ACSM2A: variants seen among roughly 807,000 people sequenced by gnomAD.
ACSM2A encodes acyl-CoA synthetase medium chain family member 2A, also known as acyl-coenzyme A synthetase ACSM2A, mitochondrial.
Under a neutral mutation model 76.6 loss-of-function variants are expected in ACSM2A, and 72 were observed. That is an observed-to-expected ratio of 0.94 (90% CI 0.78 to 1.14). ACSM2A has a LOEUF of 1.14. Among genes scored for constraint, ACSM2A ranks in the 50% most tolerant of loss-of-function variants. ACSM2A has a pLI of 0.00. For synonymous variants in ACSM2A, 249 were observed against 255.9 expected (o/e 0.97, Z 0.26); for missense variants, 684 against 708.5 (o/e 0.97, Z 0.39).
intron 1 of ACSM2A, among the ~76,000 whole-genome samples, chr16:20,454,900 G>GA (rs71149145): frequency 0.36 from 51,310 of 142,618 alleles, 9,797 homozygotes; most frequent in East Asian, 0.77. Flanking sequence ...CCAATTTAAG[G>GA]AAAAAAAAAA....
intron 13 of ACSM2A, among the ~76,000 whole-genome samples, 165 bp downstream of exon 13, chr16:20,483,342 G>A (rs557560338): frequency 9.2e-5 from 14 of 151,956 alleles, no homozygotes; most frequent in South Asian, 4.2e-4. Flanking sequence ...GGCTGAGGCG[G>A]GTGGATCACC....
At chr16:20,485,361 C>T (rs2014327799) in intron 13 of ACSM2A, among the ~76,000 whole-genome samples, 1 of 152,152 alleles carries the variant, frequency 6.6e-6, no homozygotes, top group South Asian at 2.1e-4. Context: ...TGCACCTTCC[C>T]CCTCCTTCCA....
intron 2 of ACSM2A, among the ~76,000 whole-genome samples, chr16:20,464,752 A>G (rs1381858472): frequency 6.6e-6 from 1 of 152,132 alleles, no homozygotes; most frequent in Non-Finnish European, 1.5e-5. Context: ...TAGAGTCGGA[A>G]AGTAGAATGG....
intron 3 of ACSM2A, among the ~76,000 whole-genome samples, chr16:20,466,057 A>G (rs2012976045): frequency 6.6e-6 from 1 of 152,126 alleles, no homozygotes; most frequent in Non-Finnish European, 1.5e-5. Context: ...CTATAAAAAT[A>G]AATTTGGCAG....
intron 1 of ACSM2A, among the ~76,000 whole-genome samples, chr16:20,458,754 G>C (rs2012371491): frequency 7.1e-6 from 1 of 140,508 alleles, no homozygotes; most frequent in African/African-American, 2.6e-5. Flanking sequence ...GCATGAGCTT[G>C]GAAGGAAGAA....
chr16:20,485,445 G>T (rs930641363), intron 13 of ACSM2A, among the ~76,000 whole-genome samples: 3 of 152,098 alleles, frequency 2.0e-5, no homozygotes, highest in Non-Finnish European at 2.9e-5. Context: ...ATTAAATCTG[G>T]ATACCTCCTG....
chr16:20,476,080 A>G, intron 8 of ACSM2A: 8 of 1,072,408 alleles, frequency 7.5e-6, no homozygotes, highest in Non-Finnish European at 9.3e-6. Context: ...TGGGGTGAGA[A>G]GTTGGTAAAT....
chr16:20,474,142 C>A, intron 6 of ACSM2A: 2 of 410,392 alleles, frequency 4.9e-6, no homozygotes, highest in South Asian at 3.7e-5. Flanking sequence ...CCAATTTGGG[C>A]ACGTGTTCTC....
intron 9 of ACSM2A, among the ~76,000 whole-genome samples, chr16:20,477,881 G>A (rs988848643): frequency 2.6e-5 from 4 of 151,990 alleles, no homozygotes; most frequent in Non-Finnish European, 2.9e-5. Context: ...GCCTTTTATT[G>A]GACCAAGGGA....
Position 20,479,196 on chromosome 16 carries a change from C to T in ACSM2A, c.1281+519C>T, listed in dbSNP as rs1196471871. Among the ~76,000 whole-genome samples the T allele has an allele frequency of 3.3e-5, 5 of 152,264 alleles. 1 individual carries two copies. Among genetic ancestry groups the T allele is most frequent in the South Asian group, 2.1e-4 (1 of 4,810 alleles). ...GATGGTGGAGCCAGAGATTACAAGA[C>T]TTGCTCAAGCTCACAACCATTAGAA... On this transcript the variant is annotated intron_variant, in intron 10 of 13. Transcript: ENST00000573854.
chr16:20,464,380 G>T (rs1206326764), intron 2 of ACSM2A, among the ~76,000 whole-genome samples: 1 of 152,196 alleles, frequency 6.6e-6, no homozygotes, highest in Admixed American at 6.5e-5. Flanking sequence ...AAAGAAAAGA[G>T]ATTTAATTGG....
chr16:20,465,533 C>T lies in ACSM2A; in HGVS notation c.194C>T (p.Pro65Leu). ...ADMEKAGKRL[P>L]SPALWWVNGK... ...TTTCCTCAGGCTGGCAAGCGACTCC[C>T]AAGCCCAGCCCTGTGGTGGGTGAAT... Residue 65 changes from proline to leucine, a missense_variant, in exon 3 of 14, where the codon CCA (proline) becomes CTA (leucine). Pro to Leu is a moderately conservative substitution (Grantham distance 98, BLOSUM62 -3). This residue lies in a region of ACSM2A where 519 missense variants were observed against 549.5 expected (regional missense o/e 0.94). Transcript: ENST00000573854. 3.1e-6 allele frequency: 5 copies of T among 1,613,994 alleles called. No individual in the cohort carries two copies. The highest frequency in any genetic ancestry group is 4.2e-6 in the Non-Finnish European group (5 of 1,179,872).
At chr16:20,471,799 A>T (rs1278674700) in intron 6 of ACSM2A, 110 bp downstream of exon 6, 3 of 1,530,514 alleles carry the variant, frequency 2.0e-6, no homozygotes, top group Non-Finnish European at 2.6e-6. Context: ...AACCCCTGCC[A>T]TGTGGTGAAC....
chr16:20,467,078 A>C (rs545020542), intron 3 of ACSM2A, among the ~76,000 whole-genome samples: 8 of 152,310 alleles, frequency 5.3e-5, no homozygotes, highest in Non-Finnish European at 1.2e-4. Flanking sequence ...AAACAAGATG[A>C]AGTCAGCTAT....
chr16:20,472,574 A>G (rs1296015099), intron 6 of ACSM2A, among the ~76,000 whole-genome samples: 2 of 151,982 alleles, frequency 1.3e-5, no homozygotes, highest in Admixed American at 1.3e-4. Context: ...CCCTGTAAAC[A>G]CCACCAGATA....
chr16:20,479,712 T>C (rs952699348), intron 10 of ACSM2A, among the ~76,000 whole-genome samples: 10 of 152,212 alleles, frequency 6.6e-5, no homozygotes, highest in African/African-American at 2.4e-4. Flanking sequence ...TGAAGTACTA[T>C]GTCATGGGCT....
At chr16:20,465,397 A>G (rs947794252) in intron 2 of ACSM2A, 120 bp from the exon 3 acceptor site, 3 of 1,298,466 alleles carry the variant, frequency 2.3e-6, no homozygotes, top group Admixed American at 2.5e-5. Context: ...TTAAGATTGT[A>G]TGGAGGTGCT....
At chr16:20,476,353 C>G (rs1428862131) in intron 8 of ACSM2A, 1 of 980,802 alleles carries the variant, frequency 1.0e-6, no homozygotes, top group African/African-American at 1.8e-5. Context: ...AACTCTTCTT[C>G]TCCTTTTTCC....
intron 13 of ACSM2A, among the ~76,000 whole-genome samples, chr16:20,485,280 C>T (rs539153948): frequency 8.9e-4 from 136 of 152,304 alleles, no homozygotes; most frequent in Admixed American, 4.0e-3. Flanking sequence ...CAGTGTCTTA[C>T]TCAAATATCT....
Sources: gnomAD v4.1 joint callset for allele counts (sites outside exome capture counted in the v4.1 genomes callset) on GRCh38, gnomAD v4.1.1 for gene constraint, gnomAD v4.1.1 regional missense constraint, MANE v1.5 for transcripts, NCBI Gene and HGNC (gene_info 2026-07-23, HGNC 2026-07-21) for gene names.